Variants in SLC7A2 observed in about 807,000 individuals in gnomAD.
SLC7A2 encodes solute carrier family 7 member 2, also known as cationic amino acid transporter 2.
SLC7A2 carries 48 observed loss-of-function variants against 58.9 expected under a neutral mutation model. That is an observed-to-expected ratio of 0.82 (90% confidence interval 0.65 to 1.04). The LOEUF (loss-of-function observed/expected upper bound fraction) is 1.04. SLC7A2 is among the 50% of genes least tolerant of loss of function. The probability of loss-of-function intolerance (pLI) is 0.00; values close to 1 mark genes in which losing one functional copy is unlikely to be tolerated. For synonymous variants in SLC7A2, 363 were observed against 314.5 expected (o/e 1.15, Z -1.63); for missense variants, 1,029 against 818.8 (o/e 1.26, Z -3.13).
At position 17,565,041 on chromosome 8, in the gene SLC7A2, C is replaced by T. The variant is rs372948626; in HGVS notation, c.1872C>T (p.Asn624=). Residue 624 remains asparagine, a synonymous_variant, in exon 13 of 13, where the codon AAC becomes AAT. Transcript: ENST00000494857. ...ATGAAGAAGATGCTTATCCAGACAA[C>T]GTTCATGCAGCAGCAGAAGAAAAAT... The part of the protein sequence containing the change: ...ENNEEDAYPD[N]VHAAAEEKSA... The T allele has an allele frequency of 2.5e-5, 41 of 1,613,608 alleles. No homozygotes were observed. The highest frequency in any genetic ancestry group is 2.9e-5 in the Non-Finnish European group (34 of 1,179,842).
intron 11 of SLC7A2, among the ~76,000 whole-genome samples, 188 bp from the exon 12 acceptor site, chr8:17,563,415 G>A (rs937819989): frequency 2.0e-5 from 3 of 152,098 alleles, no homozygotes; most frequent in African/African-American, 7.2e-5. Context: ...TAAATCCCCT[G>A]GTGCCTTGAG....
intron 2 of SLC7A2, among the ~76,000 whole-genome samples, chr8:17,530,866 C>T (rs926475662): frequency 6.6e-6 from 1 of 152,092 alleles, no homozygotes; most frequent in Non-Finnish European, 1.5e-5. Context: ...GCTACTGCAT[C>T]CAGCCAGTAA....
At chr8:17,562,731 T>C (rs529294536) in intron 11 of SLC7A2, among the ~76,000 whole-genome samples, 4 of 152,238 alleles carry the variant, frequency 2.6e-5, no homozygotes, top group African/African-American at 9.6e-5. Flanking sequence ...AATATTATTA[T>C]ATATGATAGT....
At chr8:17,534,893 T>C (rs952308764) in intron 2 of SLC7A2, among the ~76,000 whole-genome samples, 2 of 152,110 alleles carry the variant, frequency 1.3e-5, no homozygotes, top group African/African-American at 4.8e-5. Context: ...ACTCATCCTC[T>C]TCCTTGACTC....
intron 2 of SLC7A2, among the ~76,000 whole-genome samples, chr8:17,533,046 G>T (rs188957350): frequency 6.6e-6 from 1 of 152,044 alleles, no homozygotes; most frequent in South Asian, 2.1e-4. Context: ...TTTTGTAAAT[G>T]GTTCTTGGTT....
chr8:17,533,774 G>T (rs1379289287), intron 2 of SLC7A2, among the ~76,000 whole-genome samples: 1 of 152,190 alleles, frequency 6.6e-6, no homozygotes, highest in Non-Finnish European at 1.5e-5. Context: ...TTTATTTAAA[G>T]TTCCAGAATA....
At chr8:17,543,744 G>A (rs1228631754) in intron 3 of SLC7A2, 29 bp downstream of exon 3, 11 of 1,509,322 alleles carry the variant, frequency 7.3e-6, no homozygotes, top group Middle Eastern at 1.8e-4. Flanking sequence ...TCTAACTTGT[G>A]TGGAATGGAA....
chr8:17,496,886 C>G (rs980102215), upstream of SLC7A2, among the ~76,000 whole-genome samples: 1 of 151,900 alleles, frequency 6.6e-6, no homozygotes, highest in Non-Finnish European at 1.5e-5. Flanking sequence ...TAGCGCCCGC[C>G]CACGTGTGCT....
upstream of SLC7A2, among the ~76,000 whole-genome samples, chr8:17,495,229 C>T (rs979185478): frequency 9.9e-5 from 15 of 152,198 alleles, no homozygotes; most frequent in Non-Finnish European, 1.8e-4. Context: ...CCCTGAGCCA[C>T]CGCGACTCCC....
intron 11 of SLC7A2, among the ~76,000 whole-genome samples, chr8:17,562,590 C>G (rs951225625): frequency 2.0e-5 from 3 of 152,118 alleles, no homozygotes; most frequent in Non-Finnish European, 4.4e-5. Flanking sequence ...CCACCTGCCT[C>G]AACAACTTCT....
chr8:17,513,135 T>A (rs538011141), intron 2 of SLC7A2, among the ~76,000 whole-genome samples: 54 of 152,336 alleles, frequency 3.5e-4, no homozygotes, highest in Non-Finnish European at 6.8e-4. Flanking sequence ...CAAATATCTC[T>A]TCAAGACCCT....
Position 17,570,408 on chromosome 8 carries a change from T to G in SLC7A2, c.*5262T>G, listed in dbSNP as rs1391210211. 2 of 152,600 alleles carry G rather than the reference T, an allele frequency of 1.3e-5. No homozygotes were observed. Among genetic ancestry groups the G allele is most frequent in the Non-Finnish European group, 2.9e-5 (2 of 68,040 alleles). The allele number at this position is 152,600 out of a possible 1,614,324, so 9.5% of individuals were successfully genotyped here. A position where few individuals can be genotyped will look rare whatever the true frequency, so the allele number is the denominator to read the frequency against. On this transcript the variant is annotated 3_prime_UTR_variant, in exon 13 of 13. Transcript: ENST00000494857. ...TGTACAGGGTTTTTTTAGTAGTAAT[T>G]TTAAATTTAAATGTTTTAAGTGATC... is the stretch of plus-strand genomic sequence containing the variant.
rs751728415 is a variant in SLC7A2, at chr8:17,560,323, A to G, written c.1299-5A>G. 7 of 1,611,818 alleles carry G rather than the reference A, an allele frequency of 4.3e-6. No homozygotes were observed. Among genetic ancestry groups the G allele is most frequent in the Non-Finnish European group, 5.1e-6 (6 of 1,177,928 alleles). On this transcript the variant is annotated splice_polypyrimidine_tract_variant and splice_region_variant and intron_variant, in intron 9 of 12. Coordinates refer to ENST00000494857, the MANE Select transcript of SLC7A2 (RefSeq NM_001370338.1). ...ATAAAGACATAGATGTTTGTTTGGA[A>G]ATAGGTACCAGCCTGGCTTATCTTA... is the stretch of plus-strand genomic sequence containing the variant.
chr8:17,496,868 C>A (rs961490925), upstream of SLC7A2, among the ~76,000 whole-genome samples: 15 of 152,082 alleles, frequency 9.9e-5, no homozygotes, highest in East Asian at 1.9e-3. Flanking sequence ...ACCGGCCTAG[C>A]CCGGGGCTAG....
intron 2 of SLC7A2, among the ~76,000 whole-genome samples, chr8:17,506,543 C>G (rs1800371176): frequency 6.6e-6 from 1 of 152,132 alleles, no homozygotes; most frequent in Non-Finnish European, 1.5e-5. Context: ...TGGCACGGTG[C>G]TAGACGAATA....
At chr8:17,534,210 A>T (rs1801570830) in intron 2 of SLC7A2, among the ~76,000 whole-genome samples, 1 of 152,148 alleles carries the variant, frequency 6.6e-6, no homozygotes, top group Non-Finnish European at 1.5e-5. Flanking sequence ...ACATGGTTTC[A>T]TCCAGGTCTT....
intron 8 of SLC7A2, chr8:17,555,169 G>A (rs1802636029): frequency 8.5e-7 from 1 of 1,183,094 alleles, no homozygotes; most frequent in Non-Finnish European, 1.2e-6. Context: ...TCTGCATGCT[G>A]TGCATGTAAG....
chr8:17,537,354 C>G, intron 2 of SLC7A2, among the ~76,000 whole-genome samples: 1 of 152,112 alleles, frequency 6.6e-6, no homozygotes, highest in East Asian at 1.9e-4. Flanking sequence ...GCCCAGCCCA[C>G]CCTGTGTGGC....
chr8:17,558,463 C>A (rs2150772752), intron 9 of SLC7A2, 66 bp downstream of exon 9: 2 of 986,574 alleles, frequency 2.0e-6, no homozygotes, highest in Non-Finnish European at 3.2e-6. Context: ...AGAAAATGAG[C>A]CCTCACTCTC....
Sources: gnomAD v4.1 joint callset for allele counts (sites outside exome capture counted in the v4.1 genomes callset) on GRCh38, gnomAD v4.1.1 for gene constraint, MANE v1.5 for transcripts, NCBI Gene and HGNC (gene_info 2026-07-23, HGNC 2026-07-21) for gene names.